The following DOHH variants were observed in gnomAD, a reference collection of about 807,000 sequenced individuals.
The protein encoded by DOHH is deoxyhypusine hydroxylase.
A neutral mutation model predicts 19.9 loss-of-function variants in DOHH; 16 were observed. The ratio of observed to expected loss-of-function variants is 0.80; its 90% CI spans 0.54 to 1.22. The LOEUF is 1.22. Ranked by LOEUF, DOHH falls within the 50% of genes most tolerant of loss-of-function variation. DOHH has a pLI of 0.00. For missense variants in DOHH, 460 were observed against 460.6 expected, an observed-to-expected ratio of 1.00 and a Z score of 0.01; for synonymous variants, 233 against 217.0, an observed-to-expected ratio of 1.07 and a Z score of -0.65.
Position 3,496,462 on chromosome 19 carries a change from A to G in DOHH, c.274+79T>C. 5.2e-6 allele frequency: 8 copies of G among 1,544,520 alleles called. No homozygotes were observed. The highest frequency in any genetic ancestry group is 5.2e-6 in the Non-Finnish European group (6 of 1,145,592). On this transcript the variant is annotated intron_variant, in intron 2 of 4. Transcript: ENST00000427575. This position sits in a 1 kb window ranked among gnomAD's most constrained non-coding sequence, Gnocchi z 4.8. ...TGACCACTCTGATATTTATCACCTG[A>G]GTGAGGAAGGGGACACGTGGGGTCA...
chr19:3,499,236 A>C (rs1413827389), intron 1 of DOHH, among the ~76,000 whole-genome samples: 1 of 152,148 alleles, frequency 6.6e-6, no homozygotes, highest in African/African-American at 2.4e-5. Flanking sequence ...TTCCTCATGG[A>C]AGCCTTCCCT....
intron 2 of DOHH, among the ~76,000 whole-genome samples, chr19:3,494,637 G>T (rs1291270059): frequency 1.3e-5 from 2 of 152,262 alleles, no homozygotes; most frequent in Non-Finnish European, 2.9e-5. Flanking sequence ...GCAAGCCCAG[G>T]TCGGAGCAAG....
chr19:3,493,282 T>A lies in DOHH; in HGVS notation c.351+746A>T, dbSNP rs890712829. Among the ~76,000 whole-genome samples the A allele has an allele frequency of 2.6e-5, 4 of 152,064 alleles. No homozygotes were observed. In the East Asian group the frequency reaches 7.7e-4, roughly 29 times the overall value. On this transcript the variant is annotated intron_variant, in intron 3 of 4. Coordinates refer to ENST00000427575, the MANE Select transcript of DOHH (RefSeq NM_001145165.2). ...GCCTGGGCGACAGAGCGGGACTTCA[T>A]CTCTATAAAGAAAAAACTAATAAAA...
intron 3 of DOHH, among the ~76,000 whole-genome samples, chr19:3,493,572 C>T (rs1256951056): frequency 6.7e-6 from 1 of 148,858 alleles, no homozygotes; most frequent in Non-Finnish European, 1.5e-5. Context: ...ATCGCGCCCA[C>T]TGCACTCCAG....
Position 3,492,335 on chromosome 19 carries a change from G to C in DOHH, c.516C>G (p.Leu172=), listed in dbSNP as rs746100860. 1 of 1,543,102 alleles carries C rather than the reference G, an allele frequency of 6.5e-7. No individual in the cohort carries two copies. Among genetic ancestry groups the C allele is most frequent in the Non-Finnish European group, 8.7e-7 (1 of 1,152,022 alleles). The change falls in exon 4 of 5, where the codon CTC becomes CTG. Residue 172 remains leucine (L), a synonymous_variant. Transcript: ENST00000427575. ...CGAACATGGCGCGGTATCGCTCGAA[G>C]AGCGGCCGGGACTCATCCAGCAGCG... ...REALLDESRP[L]FERYRAMFAL... is the part of the protein sequence containing the mutation.
intron 4 of DOHH, 47 bp downstream of exon 4, chr19:3,492,215 C>CA: frequency 5.7e-6 from 8 of 1,405,362 alleles, no homozygotes; most frequent in Non-Finnish European, 7.4e-6. Context: ...CACTGAACCT[C>CA]ACAGCGAGGC....
At chr19:3,498,410 A>AT (rs1033463882) in intron 1 of DOHH, among the ~76,000 whole-genome samples, 86 of 146,630 alleles carry the variant, frequency 5.9e-4, no homozygotes, top group East Asian at 1.8e-3. Flanking sequence ...TAATGAAGGA[A>AT]TTTTTTTTTT....
rs1388830861 is a variant in DOHH, at chr19:3,491,476, G to A, written c.*16C>T. ...CCCTCAAGAGTCCTCCGGGAGCTCC[G>A]GGTGAGGGTGGGGCCCTAGGAGGGG... On this transcript the variant is annotated 3_prime_UTR_variant, in exon 5 of 5. Coordinates refer to ENST00000427575, the MANE Select transcript of DOHH (RefSeq NM_001145165.2). This position sits in a 1 kb window ranked among gnomAD's most constrained non-coding sequence, Gnocchi z 5.6. 9 of 1,527,320 alleles carry A rather than the reference G, an allele frequency of 5.9e-6. No homozygotes were observed. The African/African-American group carries it at 8.3e-5, about 14-fold the overall frequency. The allele number at this position is 1,527,320 out of a possible 1,614,324, so 94.6% of individuals were successfully genotyped here.
At position 3,491,084 on chromosome 19, in the gene DOHH, C is replaced by T. The variant is rs920299432; in HGVS notation, c.*408G>A. Reference sequence around the variant, plus strand: ...TCCTCCCCTGGCTCCCCTCGCGATCCTCCCTTGGCTTCCCTCGCGATCCTC... The same window carrying T: ...TCCTCCCCTGGCTCCCCTCGCGATCTTCCCTTGGCTTCCCTCGCGATCCTC... On this transcript the variant is annotated 3_prime_UTR_variant, in exon 5 of 5. Coordinates refer to ENST00000427575, the MANE Select transcript of DOHH (RefSeq NM_001145165.2). This position sits in a 1 kb window ranked among gnomAD's most constrained non-coding sequence, Gnocchi z 5.6. 4.3e-6 allele frequency: 1 copy of T among 230,226 alleles called. No homozygotes were observed. The highest frequency in any genetic ancestry group is 2.8e-5 in the African/African-American group (1 of 36,056). 14.3% of individuals were successfully genotyped at this position (230,226 alleles called of 1,614,324 possible).
At chr19:3,493,174 G>A (rs949349221) in intron 3 of DOHH, among the ~76,000 whole-genome samples, 14 of 151,818 alleles carry the variant, frequency 9.2e-5, no homozygotes, top group South Asian at 8.3e-4. Flanking sequence ...ATGACGGGCC[G>A]GCCGAAGCGG....
chr19:3,494,179 G>A (rs1332351660), intron 2 of DOHH, 75 bp from the exon 3 acceptor site: 4 of 1,351,664 alleles, frequency 3.0e-6, no homozygotes, highest in East Asian at 4.7e-5. Flanking sequence ...TCTGGGACCG[G>A]AGGACACCCC....
At chr19:3,495,375 C>T (rs2082900877) in intron 2 of DOHH, among the ~76,000 whole-genome samples, 1 of 152,152 alleles carries the variant, frequency 6.6e-6, no homozygotes, top group Non-Finnish European at 1.5e-5. Context: ...CTCCCTGGCT[C>T]AAGTAATCCT....
intron 4 of DOHH, among the ~76,000 whole-genome samples, chr19:3,492,043 G>C (rs541855142): frequency 6.6e-6 from 1 of 152,170 alleles, no homozygotes; most frequent in Non-Finnish European, 1.5e-5. Context: ...AGGGATGCCC[G>C]GGGGAACTGA....
At position 3,491,425 on chromosome 19, in the gene DOHH, G is replaced by A. The variant is rs2082868205; in HGVS notation, c.*67C>T. On this transcript the variant is annotated 3_prime_UTR_variant, in exon 5 of 5. Coordinates refer to ENST00000427575, the MANE Select transcript of DOHH (RefSeq NM_001145165.2). The surrounding 1 kb of genome is among the most constrained non-coding windows in gnomAD (Gnocchi z 5.6). ...CGATTTACACACACCCGGTTTAGAC[G>A]CCAAAGCTCTGCGGGGGAGGAGCGG... 8.9e-6 allele frequency: 13 copies of A among 1,459,878 alleles called. No homozygotes were observed. The highest frequency in any genetic ancestry group is 2.9e-5 in the African/African-American group (2 of 69,206). The allele number at this position is 1,459,878 out of a possible 1,614,324, so 90.4% of individuals were successfully genotyped here.
intron 2 of DOHH, among the ~76,000 whole-genome samples, chr19:3,494,451 G>A (rs1050824064): frequency 4.6e-5 from 7 of 152,164 alleles, no homozygotes; most frequent in Non-Finnish European, 8.8e-5. Flanking sequence ...GGGGTGCAGT[G>A]AGCTATGATC....
intron 1 of DOHH, among the ~76,000 whole-genome samples, chr19:3,498,542 A>G (rs2082926549): frequency 6.6e-6 from 1 of 151,896 alleles, no homozygotes; most frequent in Non-Finnish European, 1.5e-5. Context: ...AGTATCTGGG[A>G]TTATAGGCAT....
chr19:3,500,312 C>A (rs995229994), intron 1 of DOHH, among the ~76,000 whole-genome samples: 24 of 152,178 alleles, frequency 1.6e-4, no homozygotes, highest in African/African-American at 5.1e-4. Flanking sequence ...CAGGCCTGTG[C>A]GAGCTGGCAG....
chr19:3,494,188 C>T (rs1233753370), intron 2 of DOHH, 84 bp from the exon 3 acceptor site: 3 of 1,226,310 alleles, frequency 2.4e-6, no homozygotes, highest in Non-Finnish European at 3.5e-6. Context: ...GGAGGACACC[C>T]CTCCCAGGGC....
At chr19:3,500,471 G>A (rs914667440) in intron 1 of DOHH, 90 bp downstream of exon 1, 6 of 152,256 alleles carry the variant, frequency 3.9e-5, no homozygotes, top group Admixed American at 2.6e-4. Flanking sequence ...ACGAATCCCT[G>A]AGACCGGATT....
Sources: gnomAD v4.1 joint callset for allele counts (sites outside exome capture counted in the v4.1 genomes callset) on GRCh38, gnomAD v4.1.1 for gene constraint, Gnocchi (gnomAD v3.1) non-coding constraint, MANE v1.5 for transcripts, NCBI Gene and HGNC (gene_info 2026-07-23, HGNC 2026-07-21) for gene names.